The following GRM1 variants were observed in gnomAD, a reference collection of about 807,000 sequenced individuals.
The protein encoded by GRM1 is metabotropic glutamate receptor 1.
GRM1 carries 33 observed loss-of-function variants against 90.9 expected under a neutral mutation model. The ratio of observed to expected loss-of-function variants is 0.36; its 90% CI spans 0.28 to 0.49. GRM1 has a LOEUF of 0.49. Among genes scored for constraint, GRM1 ranks in the 20% least tolerant of loss-of-function variants. The pLI is 0.99. For missense variants in GRM1, 1,190 were observed against 1,534.3 expected, an observed-to-expected ratio of 0.78 and a Z score of 3.75; for synonymous variants, 700 against 613.2, an observed-to-expected ratio of 1.14 and a Z score of -2.09.
At chr6:146,121,109 T>C (rs1775971977) in intron 1 of GRM1, among the ~76,000 whole-genome samples, 1 of 152,162 alleles carries the variant, frequency 6.6e-6, no homozygotes, top group Non-Finnish European at 1.5e-5. Context: ...CTGCTTCAAT[T>C]TCAGAGCCTC....
chr6:146,273,772 T>C (rs551016214), intron 2 of GRM1, among the ~76,000 whole-genome samples: 13 of 152,344 alleles, frequency 8.5e-5, no homozygotes, highest in Middle Eastern at 6.8e-3. Context: ...CTCAGTGTTT[T>C]GGAACTTGCT....
intron 1 of GRM1, among the ~76,000 whole-genome samples, chr6:146,092,973 T>C (rs1776761035): frequency 6.6e-6 from 1 of 152,128 alleles, no homozygotes; most frequent in South Asian, 2.1e-4. Flanking sequence ...GAGATCGGAA[T>C]ATAATTTTAA....
At chr6:146,302,672 C>G (rs1373626497) in intron 2 of GRM1, among the ~76,000 whole-genome samples, 1 of 151,614 alleles carries the variant, frequency 6.6e-6, no homozygotes, top group Non-Finnish European at 1.5e-5. Context: ...ATTAAAGGCA[C>G]TTCTTTTTCT....
At chr6:146,371,625 C>T (rs1364024281) in intron 5 of GRM1, among the ~76,000 whole-genome samples, 1 of 152,076 alleles carries the variant, frequency 6.6e-6, no homozygotes, top group African/African-American at 2.4e-5. Context: ...CCCAACTACT[C>T]TTCCCAGCCT....
intron 2 of GRM1, among the ~76,000 whole-genome samples, chr6:146,172,666 G>A (rs1421493088): frequency 6.6e-6 from 1 of 152,140 alleles, no homozygotes; most frequent in Non-Finnish European, 1.5e-5. Flanking sequence ...AGCCAAGAAA[G>A]GTCTTAGCAC....
intron 7 of GRM1, among the ~76,000 whole-genome samples, chr6:146,414,213 C>T (rs908873039): frequency 2.6e-5 from 4 of 151,992 alleles, no homozygotes; most frequent in African/African-American, 9.7e-5. Flanking sequence ...AAATTTTAGC[C>T]ACTCTAATGC....
chr6:146,354,768 A>G, intron 4 of GRM1, among the ~76,000 whole-genome samples: 1 of 152,178 alleles, frequency 6.6e-6, no homozygotes, highest in East Asian at 1.9e-4. Flanking sequence ...AATTTATAGC[A>G]TAAAAATTCC....
intron 5 of GRM1, among the ~76,000 whole-genome samples, chr6:146,377,317 C>T (rs1776138079): frequency 6.6e-6 from 1 of 152,062 alleles, no homozygotes; most frequent in South Asian, 2.1e-4. Flanking sequence ...TTCCTAGAGA[C>T]TTATTAAATG....
intron 2 of GRM1, among the ~76,000 whole-genome samples, chr6:146,269,440 G>C (rs1782032292): frequency 6.6e-6 from 1 of 152,192 alleles, no homozygotes; most frequent in Non-Finnish European, 1.5e-5. Context: ...AAAGAATGGA[G>C]TTCACATACA....
At position 146,086,526 on chromosome 6, in the gene GRM1, A is replaced by C. The variant is rs544956845; in HGVS notation, c.700+56309A>C. Among the ~76,000 whole-genome samples the C allele has an allele frequency of 3.9e-5, 6 of 151,998 alleles. No individual in the cohort carries two copies. The South Asian group carries it at 8.3e-4, about 21-fold the overall frequency. ...GAAAGAGGGGCTGGGTACTATTTAC[A>C]CCTCTGGACTGGCATTTTCTTTCCT... On this transcript the variant is annotated intron_variant, in intron 1 of 7. Transcript: ENST00000282753.
At chr6:146,045,961 CT>C (rs1791315536) in intron 1 of GRM1, among the ~76,000 whole-genome samples, 1 of 151,812 alleles carries the variant, frequency 6.6e-6, no homozygotes, top group Non-Finnish European at 1.5e-5. Flanking sequence ...TCCTTTTACA[CT>C]TTAGCGCCCG....
intron 1 of GRM1, among the ~76,000 whole-genome samples, chr6:146,127,198 G>A (rs555772041): frequency 2.6e-5 from 4 of 152,238 alleles, no homozygotes; most frequent in African/African-American, 7.2e-5. Flanking sequence ...TATAGTTTCC[G>A]TGGAAAGAAA....
chr6:146,300,619 C>A (rs1237176896), intron 2 of GRM1, among the ~76,000 whole-genome samples: 1 of 152,146 alleles, frequency 6.6e-6, no homozygotes, highest in Non-Finnish European at 1.5e-5. Flanking sequence ...TTTCCAGACC[C>A]CAGCTAGAAA....
At chr6:146,373,084 T>C (rs574019746) in intron 5 of GRM1, among the ~76,000 whole-genome samples, 1 of 152,294 alleles carries the variant, frequency 6.6e-6, no homozygotes, top group South Asian at 2.1e-4. Context: ...TATTGGTTTA[T>C]TCTAATCAAT....
chr6:146,181,314 G>A (rs1239388025), intron 2 of GRM1, among the ~76,000 whole-genome samples: 2 of 151,886 alleles, frequency 1.3e-5, no homozygotes, highest in Non-Finnish European at 2.9e-5. Flanking sequence ...TGAAATGTCT[G>A]AGGCACTGAA....
Position 146,029,416 on chromosome 6 carries a change from G to T in GRM1, c.-102G>T. 1.1e-6 allele frequency: 1 copy of T among 918,842 alleles called. No homozygotes were observed. The highest frequency in any genetic ancestry group is 1.3e-5 in the South Asian group (1 of 76,448). 56.9% of individuals were successfully genotyped at this position (918,842 alleles called of 1,614,324 possible). ...CATTGTTGGCGAGGGGCACCACTCC[G>T]GGAGAGGCGGCGCTGGGCGTCTTGG... is the stretch of plus-strand genomic sequence containing the variant. On this transcript the variant is annotated 5_prime_UTR_variant, in exon 1 of 8. Coordinates refer to ENST00000282753, the MANE Select transcript of GRM1 (RefSeq NM_001278064.2).
intron 2 of GRM1, among the ~76,000 whole-genome samples, chr6:146,210,349 A>G (rs779756887): frequency 6.6e-6 from 1 of 152,244 alleles, no homozygotes. Context: ...GTATTAAACT[A>G]GAAAATAAGT....
chr6:146,128,187 T>C (rs1019883492), intron 1 of GRM1, among the ~76,000 whole-genome samples: 3 of 152,124 alleles, frequency 2.0e-5, no homozygotes, highest in Admixed American at 6.5e-5. Flanking sequence ...AGACCCACTA[T>C]CATTTAAAGG....
At chr6:146,183,492 A>G (rs776672690) in intron 2 of GRM1, among the ~76,000 whole-genome samples, 1 of 152,184 alleles carries the variant, frequency 6.6e-6, no homozygotes, top group African/African-American at 2.4e-5. Flanking sequence ...TAGAGGAGAT[A>G]TATTAACTGA....
Sources: gnomAD v4.1 joint callset for allele counts (sites outside exome capture counted in the v4.1 genomes callset) on GRCh38, gnomAD v4.1.1 for gene constraint, MANE v1.5 for transcripts, NCBI Gene and HGNC (gene_info 2026-07-23, HGNC 2026-07-21) for gene names.